The following RAI14 variants were observed in gnomAD, a reference collection of about 807,000 sequenced individuals.
The protein encoded by RAI14 is retinoic acid induced 14, also known as ankycorbin.
In RAI14, 45 loss-of-function variants were observed where a neutral mutation model predicts 115.4. The ratio of observed to expected loss-of-function variants is 0.39; its 90% CI spans 0.31 to 0.50. The LOEUF (loss-of-function observed/expected upper bound fraction) is 0.50. Among genes scored for constraint, RAI14 ranks in the 20% least tolerant of loss-of-function variants. RAI14 has a pLI of 0.85. For missense variants in RAI14, 939 were observed against 1,131.2 expected, an observed-to-expected ratio of 0.83 and a Z score of 2.44; for synonymous variants, 371 against 415.4, an observed-to-expected ratio of 0.89 and a Z score of 1.30.
chr5:34,673,058 T>C (rs1160702863), intron 1 of RAI14, among the ~76,000 whole-genome samples: 1 of 152,216 alleles, frequency 6.6e-6, no homozygotes, highest in Admixed American at 6.5e-5. Flanking sequence ...CCATTTCCTC[T>C]TAGACCCAGC....
rs144462600 is a variant in RAI14 at position 34,788,862 on chromosome 5, G to A, written c.168-7077G>A. On this transcript the variant is annotated intron_variant, in intron 3 of 17. Transcript: ENST00000265109. ...CACATACCTGTAATCCCGGCTACTT[G>A]GGAGGCTGAGGCACGAGAATCGCTT... Among the ~76,000 whole-genome samples the A allele has an allele frequency of 2.3e-3, 354 of 152,292 alleles. 1 individual carries two copies. The highest frequency in any genetic ancestry group is 8.1e-3 in the African/African-American group (337 of 41,570).
intron 3 of RAI14, among the ~76,000 whole-genome samples, chr5:34,758,980 G>T (rs7716418): frequency 6.6e-6 from 1 of 152,110 alleles, no homozygotes; most frequent in Non-Finnish European, 1.5e-5. Context: ...GTTGAGTGCC[G>T]ACTGGGTACA....
chr5:34,712,045 A>G (rs2149967089), intron 2 of RAI14, among the ~76,000 whole-genome samples: 1 of 152,226 alleles, frequency 6.6e-6, no homozygotes, highest in Non-Finnish European at 1.5e-5. Context: ...GGGAGCCCCA[A>G]TTTCAAATTT....
chr5:34,682,706 T>A (rs529120602), intron 1 of RAI14, among the ~76,000 whole-genome samples: 5 of 152,228 alleles, frequency 3.3e-5, no homozygotes, highest in Non-Finnish European at 7.3e-5. Flanking sequence ...ATAAACTGAC[T>A]AATATTTCTG....
chr5:34,769,854 G>T (rs759691569), intron 3 of RAI14, among the ~76,000 whole-genome samples: 9 of 152,172 alleles, frequency 5.9e-5, no homozygotes, highest in Non-Finnish European at 1.2e-4. Flanking sequence ...AGCCTCACGA[G>T]TAGCTGGGAT....
At chr5:34,688,349 A>T in intron 2 of RAI14, 1 of 1,214,668 alleles carries the variant, frequency 8.2e-7, no homozygotes, top group East Asian at 2.5e-5. Context: ...GAATCTAGGT[A>T]GCTTTCATTT....
At chr5:34,756,838 T>C (rs375206540) in intron 2 of RAI14, among the ~76,000 whole-genome samples, 33 of 152,216 alleles carry the variant, frequency 2.2e-4, no homozygotes, top group African/African-American at 7.2e-4. Context: ...GGTTTGGCAT[T>C]GACAGTGATT....
chr5:34,735,503 A>G (rs894762218), intron 2 of RAI14, among the ~76,000 whole-genome samples: 4 of 152,226 alleles, frequency 2.6e-5, no homozygotes, highest in African/African-American at 9.7e-5. Context: ...TCTGGCTTAT[A>G]TTTCAACAAC....
intron 2 of RAI14, 68 bp from the exon 3 acceptor site, chr5:34,757,400 A>G (rs6865288): frequency 0.15 from 236,129 of 1,570,650 alleles, 18,841 homozygotes; most frequent in African/African-American, 0.21. Flanking sequence ...CGAGGACTGC[A>G]GCCCTGCTGG....
At chr5:34,805,343 G>A (rs965084481) in intron 5 of RAI14, among the ~76,000 whole-genome samples, 1 of 152,018 alleles carries the variant, frequency 6.6e-6, no homozygotes, top group Non-Finnish European at 1.5e-5. Context: ...CAGTAGCCCA[G>A]GCTCTCTGTG....
intron 2 of RAI14, among the ~76,000 whole-genome samples, chr5:34,703,027 A>G (rs796504700): frequency 1.1e-4 from 16 of 152,346 alleles, no homozygotes; most frequent in African/African-American, 3.8e-4. Flanking sequence ...TTAAAAAGGA[A>G]TTTATTGTAG....
chr5:34,778,409 C>G (rs1489928954), intron 3 of RAI14, among the ~76,000 whole-genome samples: 1 of 152,078 alleles, frequency 6.6e-6, no homozygotes, highest in Non-Finnish European at 1.5e-5. Context: ...CTGGATAGTA[C>G]CCTGGCCGGG....
intron 2 of RAI14, among the ~76,000 whole-genome samples, chr5:34,695,908 C>T (rs1399843526): frequency 1.3e-5 from 2 of 149,676 alleles, no homozygotes; most frequent in Non-Finnish European, 3.0e-5. Flanking sequence ...GCCTCAAACT[C>T]TTGGGCTCAA....
chr5:34,755,550 G>A (rs1305997183), intron 2 of RAI14, among the ~76,000 whole-genome samples: 1 of 152,170 alleles, frequency 6.6e-6, no homozygotes, highest in Non-Finnish European at 1.5e-5. Flanking sequence ...CTTGGTGGGG[G>A]TAGGAGGACT....
At chr5:34,808,352 T>C (rs1422390584) in intron 6 of RAI14, among the ~76,000 whole-genome samples, 1 of 152,256 alleles carries the variant, frequency 6.6e-6, no homozygotes, top group Non-Finnish European at 1.5e-5. Context: ...GCCAAATATT[T>C]GCCTAAAGGC....
chr5:34,776,864 T>C (rs1750922232), intron 3 of RAI14, among the ~76,000 whole-genome samples: 1 of 150,504 alleles, frequency 6.6e-6, no homozygotes, highest in Admixed American at 6.7e-5. Flanking sequence ...TATCTTCCCA[T>C]AAAAATTAAA....
chr5:34,694,927 C>T (rs1414765463), intron 2 of RAI14, among the ~76,000 whole-genome samples: 1 of 151,992 alleles, frequency 6.6e-6, no homozygotes, highest in African/African-American at 2.4e-5. Context: ...GTGACAGAGT[C>T]TCGCTCTGTC....
At chr5:34,778,042 A>T (rs1227432717) in intron 3 of RAI14, among the ~76,000 whole-genome samples, 3 of 152,232 alleles carry the variant, frequency 2.0e-5, no homozygotes, top group African/African-American at 7.2e-5. Flanking sequence ...ATAAATATTC[A>T]AGGTGATGGA....
intron 1 of RAI14, among the ~76,000 whole-genome samples, chr5:34,680,437 A>G (rs1274471337): frequency 1.3e-5 from 2 of 152,200 alleles, no homozygotes; most frequent in Non-Finnish European, 2.9e-5. Context: ...GCAAGAACTA[A>G]TTCACTCCCG....
Sources: gnomAD v4.1 joint callset for allele counts (sites outside exome capture counted in the v4.1 genomes callset) on GRCh38, gnomAD v4.1.1 for gene constraint, MANE v1.5 for transcripts, NCBI Gene and HGNC (gene_info 2026-07-23, HGNC 2026-07-21) for gene names.